Variants in BCL2L13 observed in about 807,000 individuals in gnomAD.
BCL2L13 encodes the protein BCL2 like 13.
Under a neutral mutation model 25.8 loss-of-function variants are expected in BCL2L13, and 13 were observed. The observed-to-expected ratio is 0.50, with a 90% CI of 0.33 to 0.80. BCL2L13 has a LOEUF of 0.80. BCL2L13 is among the 30% of genes least tolerant of loss of function. BCL2L13 has a pLI of 0.02. For missense variants in BCL2L13, 504 were observed against 574.9 expected, an observed-to-expected ratio of 0.88 and a Z score of 1.26; for synonymous variants, 244 against 230.3, an observed-to-expected ratio of 1.06 and a Z score of -0.54.
At chr22:17,662,794 G>A (rs981343653) in intron 2 of BCL2L13, among the ~76,000 whole-genome samples, 13 of 152,218 alleles carry the variant, frequency 8.5e-5, no homozygotes, top group African/African-American at 2.9e-4. Flanking sequence ...ACTCCTAGGC[G>A]ACAGAGCGAG....
intron 1 of BCL2L13, among the ~76,000 whole-genome samples, chr22:17,645,944 C>CTAT (rs2058458924): frequency 6.6e-6 from 1 of 151,420 alleles, no homozygotes; most frequent in South Asian, 2.1e-4. Flanking sequence ...AGTATAACAG[C>CTAT]TATTTAATGG....
rs2061385263 is a variant in BCL2L13 at position 17,730,852 on chromosome 22, C to A, written c.*3318C>A. 6.6e-6 allele frequency: 1 copy of A among 151,904 alleles called. No homozygotes were observed. Among genetic ancestry groups the A allele is most frequent in the African/African-American group, 2.4e-5 (1 of 41,346 alleles). 9.4% of individuals were successfully genotyped at this position (151,904 alleles called of 1,614,324 possible). ...TCTTCTCTGGTGCACCAAAACCTGC[C>A]CTTAGTGATAATCTCTCAATTATGA... On this transcript the variant is annotated 3_prime_UTR_variant, in exon 7 of 7. Coordinates refer to ENST00000317582, the MANE Select transcript of BCL2L13 (RefSeq NM_015367.4).
At chr22:17,687,300 G>A (rs1458648947) in intron 3 of BCL2L13, among the ~76,000 whole-genome samples, 1 of 151,994 alleles carries the variant, frequency 6.6e-6, no homozygotes, top group African/African-American at 2.4e-5. Flanking sequence ...AGTTATGACT[G>A]CTTTTTCTGG....
chr22:17,663,790 G>A (rs376618037), intron 2 of BCL2L13, among the ~76,000 whole-genome samples: 4 of 143,128 alleles, frequency 2.8e-5, no homozygotes, highest in Admixed American at 7.3e-5. Flanking sequence ...TAGTTCAAGC[G>A]ATTCTCCTGC....
chr22:17,707,967 C>A (rs1179623922), intron 6 of BCL2L13, among the ~76,000 whole-genome samples: 3 of 152,072 alleles, frequency 2.0e-5, no homozygotes, highest in Non-Finnish European at 2.9e-5. Flanking sequence ...GGTCTCTGAG[C>A]AATTGTCAAC....
rs1254720987 is a variant in BCL2L13 at position 17,700,337 on chromosome 22, C to A, written c.457-1906C>A. Among the ~76,000 whole-genome samples, 3 of 152,108 alleles carry A rather than the reference C, an allele frequency of 2.0e-5. No individual in the cohort carries two copies. The East Asian group carries it at 5.8e-4, about 29-fold the overall frequency. On this transcript the variant is annotated intron_variant, in intron 5 of 6. Coordinates refer to ENST00000317582, the MANE Select transcript of BCL2L13 (RefSeq NM_015367.4). ...AGAATTGCAGATTTATCACTAGATT[C>A]TTACATAGTAAAACTAGGGTGTCTG... is the stretch of plus-strand genomic sequence containing the variant.
chr22:17,686,008 A>G (rs2535696), intron 3 of BCL2L13, among the ~76,000 whole-genome samples: 22,021 of 151,318 alleles, frequency 0.15, 2,071 homozygotes, highest in Non-Finnish European at 0.21. Flanking sequence ...TCCTGACCTC[A>G]TGACCCGCCC....
chr22:17,680,537 A>G (rs973678049), intron 2 of BCL2L13, among the ~76,000 whole-genome samples: 3 of 74,664 alleles, frequency 4.0e-5, no homozygotes, highest in South Asian at 2.9e-4. Context: ...AAAAAAAAAA[A>G]AAAAGAAAAA....
In BCL2L13 at chr22:17,671,350, C is replaced by T. The variant is rs530156012; in HGVS notation, c.122-11864C>T. ...CAGAGCTTGCAGTGAGCCAAGATCACGCCACTGCACTCCAGCCTGGGTGAC... is the reference window on the plus strand; with the variant it reads ...CAGAGCTTGCAGTGAGCCAAGATCATGCCACTGCACTCCAGCCTGGGTGAC... On this transcript the variant is annotated intron_variant, in intron 2 of 6. Transcript: ENST00000317582. Among the ~76,000 whole-genome samples the T allele has an allele frequency of 1.7e-3, 248 of 146,510 alleles. 2 individuals carry two copies. The highest frequency in any genetic ancestry group is 5.7e-3 in the African/African-American group (225 of 39,522).
chr22:17,663,781 A>G (rs1186206766), intron 2 of BCL2L13, among the ~76,000 whole-genome samples: 2 of 131,942 alleles, frequency 1.5e-5, no homozygotes, highest in Non-Finnish European at 3.1e-5. Context: ...CCACCCGCCT[A>G]GTTCAAGCGA....
At chr22:17,669,036 T>TTC (rs2059332703) in intron 2 of BCL2L13, among the ~76,000 whole-genome samples, 1 of 142,908 alleles carries the variant, frequency 7.0e-6, no homozygotes, top group Admixed American at 7.0e-5. Context: ...CTTTCTTTTT[T>TTC]TTTTTTTTTT....
Position 17,655,826 on chromosome 22 carries a change from C to A in BCL2L13, c.115C>A (p.Pro39Thr). 6.2e-7 allele frequency: 1 copy of A among 1,612,194 alleles called. No homozygotes were observed. The highest frequency in any genetic ancestry group is 8.5e-7 in the Non-Finnish European group (1 of 1,179,158). ...GCTGCAAGAGCAACATCTTTCCTCACCCCAAGGTATTATCTTTGGCTTATG... is the reference window on the plus strand; with the variant it reads ...GCTGCAAGAGCAACATCTTTCCTCAACCCAAGGTATTATCTTTGGCTTATG... ...EKLQEQHLSSPQGVQLDIASQ... is the reference protein window; with the variant it reads ...EKLQEQHLSSTQGVQLDIASQ... The change falls in exon 2 of 7, where the codon CCC (proline) becomes ACC (threonine). Residue 39 changes from proline to threonine, a missense_variant. By Grantham distance (38) the Pro-to-Thr change is conservative (BLOSUM62 -1). Transcript: ENST00000317582.
chr22:17,690,431 C>T (rs141940200), intron 4 of BCL2L13, among the ~76,000 whole-genome samples: 39 of 152,082 alleles, frequency 2.6e-4, no homozygotes, highest in Admixed American at 1.6e-3. Flanking sequence ...TTTTTTGTTG[C>T]GTAGTATTGT....
At position 17,683,196 on chromosome 22, in the gene BCL2L13, CT is replaced by C; in HGVS notation, c.122-12del. On this transcript the variant is annotated splice_polypyrimidine_tract_variant and intron_variant, in intron 2 of 6. Transcript: ENST00000317582. Reference sequence around the variant, plus strand: ...TCTCTCTCCCTCTTTCAATAATAACCTTTTTTGTTGCTTTCAGGGGTTCAAC... The same window carrying C: ...TCTCTCTCCCTCTTTCAATAATAACCTTTTTGTTGCTTTCAGGGGTTCAAC... 1 of 1,365,918 alleles carries C rather than the reference CT, an allele frequency of 7.3e-7. No homozygotes were observed. The highest frequency in any genetic ancestry group is 2.3e-5 in the East Asian group (1 of 43,306). The allele number at this position is 1,365,918 out of a possible 1,614,324, so 84.6% of individuals were successfully genotyped here. A position where few individuals can be genotyped will look rare whatever the true frequency, so the allele number is the denominator to read the frequency against.
intron 1 of BCL2L13, among the ~76,000 whole-genome samples, chr22:17,629,799 C>T (rs2057966447): frequency 6.8e-6 from 1 of 148,120 alleles, no homozygotes; most frequent in Non-Finnish European, 1.5e-5. Context: ...GCTACATGTA[C>T]ATTAACACTT....
At chr22:17,629,688 T>A (rs978494521) in intron 1 of BCL2L13, among the ~76,000 whole-genome samples, 6 of 152,180 alleles carry the variant, frequency 3.9e-5, no homozygotes, top group Admixed American at 3.3e-4. Context: ...TTACCCACCA[T>A]TTTTATTAGC....
upstream of BCL2L13, among the ~76,000 whole-genome samples, chr22:17,636,771 G>A (rs2058114647): frequency 2.0e-5 from 3 of 152,030 alleles, no homozygotes; most frequent in Admixed American, 1.3e-4. Context: ...TACAGCCTGG[G>A]TGACAGAGCA....
intron 6 of BCL2L13, among the ~76,000 whole-genome samples, chr22:17,713,548 G>A (rs924561525): frequency 1.4e-5 from 2 of 144,584 alleles, no homozygotes; most frequent in Non-Finnish European, 1.5e-5. Flanking sequence ...TGCAACCTCC[G>A]CCTCCTGGGT....
intron 6 of BCL2L13, among the ~76,000 whole-genome samples, chr22:17,723,015 C>T (rs1269789103): frequency 2.0e-5 from 3 of 152,306 alleles, no homozygotes; most frequent in Admixed American, 6.5e-5. Flanking sequence ...GTATTGAAGA[C>T]TGTTTGAAAT....
Sources: allele counts gnomAD v4.1 joint callset (sites outside exome capture counted in the v4.1 genomes callset), GRCh38; gene constraint gnomAD v4.1.1; transcripts MANE v1.5; gene names NCBI Gene and HGNC (gene_info 2026-07-23, HGNC 2026-07-21).